CSF1R: variants seen among roughly 807,000 people sequenced by gnomAD.
CSF1R encodes the protein colony stimulating factor 1 receptor.
CSF1R carries 40 observed loss-of-function variants against 110.0 expected under a neutral mutation model. That is an observed-to-expected ratio of 0.36 (90% CI 0.28 to 0.47). The LOEUF (loss-of-function observed/expected upper bound fraction) is 0.47, where lower values mean the gene tolerates loss of function less well. CSF1R is among the 20% of genes least tolerant of loss of function. The pLI, the probability that CSF1R is intolerant of heterozygous loss-of-function variation, is 0.99. For synonymous variants in CSF1R, 523 were observed against 503.4 expected (o/e 1.04, Z -0.52); for missense variants, 1,052 against 1,253.0 (o/e 0.84, Z 2.42).
intron 10 of CSF1R, among the ~76,000 whole-genome samples, chr5:150,064,555 C>T (rs1380501672): frequency 1.3e-5 from 2 of 152,208 alleles, no homozygotes; most frequent in Non-Finnish European, 2.9e-5. Context: ...CCGTGGGTGC[C>T]TTCCCAGCCC....
At chr5:150,070,403 T>TC in intron 7 of CSF1R, 53 bp downstream of exon 7, 1 of 1,569,052 alleles carries the variant, frequency 6.4e-7, no homozygotes, top group East Asian at 2.3e-5. Flanking sequence ...ACCCCATCCC[T>TC]CCAGGCAGTC....
At chr5:150,087,274 G>T (rs199990985), upstream of CSF1R, among the ~76,000 whole-genome samples, 2 of 151,634 alleles carry the variant, frequency 1.3e-5, no homozygotes, top group Non-Finnish European at 2.9e-5. Flanking sequence ...AACGGAGTTT[G>T]TTTTCTTCCT....
At position 150,069,982 on chromosome 5, in the gene CSF1R, C is replaced by T. The variant is rs200733774; in HGVS notation, c.1401G>A (p.Thr467=). The T allele has an allele frequency of 4.0e-5, 64 of 1,614,024 alleles. No individual in the cohort carries two copies. The African/African-American group carries it at 4.8e-4, about 12-fold the overall frequency. The change falls in exon 9 of 21, where the codon ACG becomes ACA. Residue 467 remains threonine, a synonymous_variant. Transcript: ENST00000675795. ...TCTCAACAGTCAGCAGGCTCTGCAC[C>T]GTCACCTTGTGGAAGGGCTCCTGGC... ...VLSQEPFHKV[T]VQSLLTVETL... is the part of the protein sequence containing the mutation.
At chr5:150,054,541 T>A in intron 19 of CSF1R, 111 bp from the exon 20 acceptor site, 1 of 816,426 alleles carries the variant, frequency 1.2e-6, no homozygotes, top group Non-Finnish European at 1.9e-6. Context: ...CCAGTCAAAG[T>A]AAGTTTAGTA....
intron 1 of CSF1R, among the ~76,000 whole-genome samples, chr5:150,109,206 G>A (rs1759646105): frequency 6.6e-6 from 1 of 152,158 alleles, no homozygotes; most frequent in Non-Finnish European, 1.5e-5. Context: ...GAGGCTGGAA[G>A]GCAAGAGCCT....
chr5:150,078,274 A>T, intron 3 of CSF1R, 26 bp from the exon 4 acceptor site: 1 of 1,613,266 alleles, frequency 6.2e-7, no homozygotes, highest in Non-Finnish European at 8.5e-7. Flanking sequence ...AGACCCCTGA[A>T]CACCCAGGCT....
chr5:150,066,486 C>T (rs1053483890), intron 10 of CSF1R, among the ~76,000 whole-genome samples: 1 of 152,156 alleles, frequency 6.6e-6, no homozygotes. Flanking sequence ...TTAGAGAACA[C>T]CCAGACCCAT....
intron 5 of CSF1R, among the ~76,000 whole-genome samples, chr5:150,075,876 T>G (rs887737327): frequency 6.6e-6 from 1 of 152,240 alleles, no homozygotes; most frequent in Admixed American, 6.5e-5. Context: ...CCAGTGCAGA[T>G]TGGGGTCCAC....
intron 1 of CSF1R, among the ~76,000 whole-genome samples, chr5:150,083,349 AACACACACACACACACACACAC>A (rs59055324): frequency 0.029 from 3,138 of 106,398 alleles, 155 homozygotes; most frequent in African/African-American, 0.11. Flanking sequence ...CTTCTCTCCC[AACACACACACACACACACACAC>A]ACACACACAC....
intron 3 of CSF1R, among the ~76,000 whole-genome samples, chr5:150,078,667 G>C (rs34184031): frequency 0.53 from 80,338 of 151,990 alleles, 21,703 homozygotes; most frequent in Non-Finnish European, 0.55. Flanking sequence ...TCCTTCCACA[G>C]CCCAACCTGT....
intron 1 of CSF1R, among the ~76,000 whole-genome samples, chr5:150,093,105 G>A (rs188179974): frequency 1.6e-4 from 24 of 152,182 alleles, no homozygotes; most frequent in African/African-American, 5.3e-4. Context: ...TTGAGATGGA[G>A]TCTCACTCTG....
chr5:150,073,284 G>A lies in CSF1R; in HGVS notation c.1082+17C>T, dbSNP rs377472666. The A allele has an allele frequency of 1.2e-5, 19 of 1,606,306 alleles. No homozygotes were observed. Among genetic ancestry groups the A allele is most frequent in the Non-Finnish European group, 1.6e-5 (19 of 1,174,862 alleles). ...TCTGGTTGTCGGGCTGTGTAGACGG[G>A]AGCTGATAAGTGGTACCTGTATGTG... On this transcript the variant is annotated intron_variant, in intron 6 of 20. Coordinates refer to ENST00000675795, the MANE Select transcript of CSF1R (RefSeq NM_001288705.3).
chr5:150,088,655 T>A (rs1310737778), upstream of CSF1R, among the ~76,000 whole-genome samples: 1 of 151,970 alleles, frequency 6.6e-6, no homozygotes, highest in African/African-American at 2.4e-5. Flanking sequence ...TGCCTCAAAC[T>A]CCCGAGTAGC....
chr5:150,063,259 G>A (rs1283100009), intron 10 of CSF1R, among the ~76,000 whole-genome samples: 3 of 152,102 alleles, frequency 2.0e-5, no homozygotes, highest in East Asian at 1.9e-4. Flanking sequence ...TGCCTGCCTC[G>A]GTCTCTCAAA....
rs566891025 is a variant in CSF1R at position 150,080,295 on chromosome 5, C to T, written c.349G>A (p.Val117Met). 1.4e-5 allele frequency: 22 copies of T among 1,613,848 alleles called. No homozygotes were observed. The highest frequency in any genetic ancestry group is 1.1e-4 in the East Asian group (5 of 44,888). Residue 117 changes from valine to methionine, a missense_variant, in exon 3 of 21, where the codon GTG becomes ATG. Transcript: ENST00000675795. Reference protein sequence around the residue: ...PWNVLAQEVVVFEDQDALLPC... With the variant: ...PWNVLAQEVVMFEDQDALLPC... Reference sequence around the variant, plus strand: ...AGTAGTGCGTCCTGGTCCTCGAACACGACCACCTCCTGTGCTAGCACGTTC... The same window carrying T: ...AGTAGTGCGTCCTGGTCCTCGAACATGACCACCTCCTGTGCTAGCACGTTC...
At chr5:150,069,106 G>A (rs1279792369) in intron 9 of CSF1R, among the ~76,000 whole-genome samples, 1 of 152,222 alleles carries the variant, frequency 6.6e-6, no homozygotes, top group Non-Finnish European at 1.5e-5. Flanking sequence ...CTCCAGCAGT[G>A]AGGCCCAGCG....
At chr5:150,084,343 A>AAAAGAAAGAAAGAAAGAGAGAAAG (rs1758702810) in intron 1 of CSF1R, among the ~76,000 whole-genome samples, 5 of 84,558 alleles carry the variant, frequency 5.9e-5, no homozygotes, top group East Asian at 6.0e-4. Flanking sequence ...AAAGATAGAA[A>AAAAGAAAGAAAGAAAGAGAGAAAG]AAAGAAAGAA....
At chr5:150,075,353 A>G (rs1758216989) in intron 5 of CSF1R, among the ~76,000 whole-genome samples, 1 of 151,928 alleles carries the variant, frequency 6.6e-6, no homozygotes, top group African/African-American at 2.4e-5. Flanking sequence ...GCCTCCTTTC[A>G]TCTCACCTTC....
At chr5:150,095,631 A>G (rs1759196330) in intron 1 of CSF1R, among the ~76,000 whole-genome samples, 2 of 152,122 alleles carry the variant, frequency 1.3e-5, no homozygotes, top group African/African-American at 4.8e-5. Context: ...AGAACAAATT[A>G]AATCCAAATT....
Sources: allele counts gnomAD v4.1 joint callset (sites outside exome capture counted in the v4.1 genomes callset), GRCh38; gene constraint gnomAD v4.1.1; transcripts MANE v1.5; gene names NCBI Gene and HGNC (gene_info 2026-07-23, HGNC 2026-07-21).